FER: variants seen among roughly 807,000 people sequenced by gnomAD.
The protein encoded by FER is FER tyrosine kinase.
A neutral mutation model predicts 111.0 loss-of-function variants in FER; 63 were observed. The ratio of observed to expected loss-of-function variants is 0.57; its 90% CI spans 0.46 to 0.70. The LOEUF (loss-of-function observed/expected upper bound fraction) is 0.70. Among genes scored for constraint, FER ranks in the 30% least tolerant of loss-of-function variants. FER has a pLI of 0.00. For synonymous variants in FER, 327 were observed against 313.9 expected (o/e 1.04, Z -0.44); for missense variants, 914 against 954.0 (o/e 0.96, Z 0.55).
At chr5:109,067,350 C>T (rs1345144411) in intron 16 of FER, among the ~76,000 whole-genome samples, 1 of 151,988 alleles carries the variant, frequency 6.6e-6, no homozygotes, top group Non-Finnish European at 1.5e-5. Flanking sequence ...CCCCTATTCT[C>T]CTTAGTTTCT....
intron 16 of FER, among the ~76,000 whole-genome samples, chr5:109,092,677 A>G (rs1354581897): frequency 1.3e-5 from 2 of 152,180 alleles, no homozygotes; most frequent in Admixed American, 6.5e-5. Flanking sequence ...AAAAAGTAAA[A>G]CTGTGATGGC....
intron 17 of FER, among the ~76,000 whole-genome samples, chr5:109,135,652 T>C (rs549559687): frequency 3.9e-5 from 6 of 152,230 alleles, no homozygotes; most frequent in Admixed American, 1.3e-4. Context: ...CAAAACTCTC[T>C]AAAAACAAGG....
At chr5:109,131,736 C>A (rs1177228809) in intron 17 of FER, among the ~76,000 whole-genome samples, 1 of 152,020 alleles carries the variant, frequency 6.6e-6, no homozygotes, top group Admixed American at 6.6e-5. Context: ...CCATCATATG[C>A]CATTATGGTA....
chr5:109,153,437 T>C (rs1755056963), intron 17 of FER, among the ~76,000 whole-genome samples: 1 of 151,818 alleles, frequency 6.6e-6, no homozygotes, highest in East Asian at 1.9e-4. Context: ...AGCAACAAAA[T>C]TCATTCTAAA....
chr5:108,994,808 C>T (rs1341775141), intron 13 of FER, among the ~76,000 whole-genome samples: 2 of 152,046 alleles, frequency 1.3e-5, no homozygotes, highest in Non-Finnish European at 2.9e-5. Flanking sequence ...TGTAGTTCTC[C>T]TTGAAGAGGT....
At chr5:109,151,551 G>A (rs890513690) in intron 17 of FER, among the ~76,000 whole-genome samples, 3 of 152,004 alleles carry the variant, frequency 2.0e-5, no homozygotes, top group Non-Finnish European at 4.4e-5. Flanking sequence ...GGTAAATTAG[G>A]GCATTTGCTG....
chr5:108,985,088 A>G (rs187995204), intron 13 of FER, among the ~76,000 whole-genome samples: 3 of 152,244 alleles, frequency 2.0e-5, no homozygotes, highest in Admixed American at 2.0e-4. Flanking sequence ...TTATCATACA[A>G]ATAACTCATA....
intron 17 of FER, among the ~76,000 whole-genome samples, chr5:109,109,148 A>G (rs1024249899): frequency 4.6e-5 from 7 of 152,154 alleles, no homozygotes; most frequent in African/African-American, 2.4e-5. Flanking sequence ...TGCTCTGTGC[A>G]TGAATCCTAG....
intron 13 of FER, among the ~76,000 whole-genome samples, chr5:109,030,235 G>A (rs1769406634): frequency 6.6e-6 from 1 of 152,058 alleles, no homozygotes; most frequent in Admixed American, 6.6e-5. Flanking sequence ...AAGGGAATTT[G>A]TAAGTGATTG....
chr5:108,974,434 C>T (rs1162926555), intron 13 of FER, among the ~76,000 whole-genome samples: 5 of 152,054 alleles, frequency 3.3e-5, no homozygotes, highest in African/African-American at 9.7e-5. Context: ...TTCTGTGGCA[C>T]ATTTGAAGAA....
At chr5:109,115,751 G>A (rs535850178) in intron 17 of FER, among the ~76,000 whole-genome samples, 2 of 151,872 alleles carry the variant, frequency 1.3e-5, no homozygotes, top group South Asian at 4.2e-4. Context: ...GTGGTTTTTG[G>A]TATTTTTATT....
intron 10 of FER, among the ~76,000 whole-genome samples, chr5:108,938,338 C>A (rs1755800454): frequency 6.6e-6 from 1 of 151,742 alleles, no homozygotes; most frequent in Non-Finnish European, 1.5e-5. Context: ...TCTAAAGAAG[C>A]TAGAAGGTAT....
intron 16 of FER, among the ~76,000 whole-genome samples, chr5:109,080,519 T>C (rs1011424797): frequency 1.3e-5 from 2 of 152,154 alleles, no homozygotes; most frequent in African/African-American, 4.8e-5. Flanking sequence ...AAGTCATCTT[T>C]TGTTGAATCA....
chr5:108,872,563 G>A (rs2150249626), intron 8 of FER, among the ~76,000 whole-genome samples: 1 of 152,148 alleles, frequency 6.6e-6, no homozygotes, highest in Non-Finnish European at 1.5e-5. Flanking sequence ...TTTACTGTTA[G>A]AGATAAGAGA....
intron 5 of FER, among the ~76,000 whole-genome samples, chr5:108,840,984 C>G (rs1367002922): frequency 6.6e-6 from 1 of 152,138 alleles, no homozygotes; most frequent in Non-Finnish European, 1.5e-5. Context: ...GTTAACAGCC[C>G]ATCATTTGTA....
intron 16 of FER, among the ~76,000 whole-genome samples, chr5:109,057,748 C>T (rs7729739): frequency 0.13 from 19,772 of 152,142 alleles, 1,313 homozygotes; most frequent in Non-Finnish European, 0.14. Context: ...AACCATTCCT[C>T]AAAGAAAACT....
At chr5:108,981,271 T>C (rs887732794) in intron 13 of FER, among the ~76,000 whole-genome samples, 4 of 152,230 alleles carry the variant, frequency 2.6e-5, no homozygotes, top group South Asian at 2.1e-4. Flanking sequence ...CATTGATTTA[T>C]ATATCTTGCT....
chr5:108,949,297 C>T (rs986762611), intron 11 of FER, among the ~76,000 whole-genome samples: 5 of 151,894 alleles, frequency 3.3e-5, no homozygotes, highest in East Asian at 1.9e-4. Flanking sequence ...AATCAAGGCA[C>T]GTTGTCAAGT....
At chr5:109,071,431 T>A (rs1775749165) in intron 16 of FER, among the ~76,000 whole-genome samples, 1 of 152,072 alleles carries the variant, frequency 6.6e-6, no homozygotes, top group Non-Finnish European at 1.5e-5. Flanking sequence ...CATATCCACA[T>A]GACATCACTG....
Sources: allele counts gnomAD v4.1 joint callset (sites outside exome capture counted in the v4.1 genomes callset), GRCh38; gene constraint gnomAD v4.1.1; transcripts MANE v1.5; gene names NCBI Gene and HGNC (gene_info 2026-07-23, HGNC 2026-07-21).